The following PALLD variants were observed in gnomAD, a reference collection of about 807,000 sequenced individuals.
PALLD encodes the protein palladin.
PALLD carries 61 observed loss-of-function variants against 123.5 expected under a neutral mutation model. That is an observed-to-expected ratio of 0.49 (90% CI 0.40 to 0.61). The LOEUF (loss-of-function observed/expected upper bound fraction) is 0.61. Among genes scored for constraint, PALLD ranks in the 20% least tolerant of loss-of-function variants. The pLI, the probability that PALLD is intolerant of heterozygous loss-of-function variation, is 0.00. For synonymous variants in PALLD, 465 were observed against 496.4 expected, an observed-to-expected ratio of 0.94 and a Z score of 0.84; for missense variants, 1,273 against 1,377.0, an observed-to-expected ratio of 0.92 and a Z score of 1.20.
chr4:168,748,596 T>G (rs1730619884), intron 10 of PALLD, among the ~76,000 whole-genome samples: 1 of 152,226 alleles, frequency 6.6e-6, no homozygotes, highest in Non-Finnish European at 1.5e-5. Flanking sequence ...ATAGGTTAGC[T>G]GGGTCCTCTG....
chr4:168,875,485 C>T (rs904461368), intron 10 of PALLD, among the ~76,000 whole-genome samples: 3 of 152,078 alleles, frequency 2.0e-5, no homozygotes, highest in Non-Finnish European at 2.9e-5. Context: ...CTTTAAAATT[C>T]GAAATAAATG....
intron 10 of PALLD, among the ~76,000 whole-genome samples, chr4:168,793,782 C>T (rs925220536): frequency 6.6e-6 from 1 of 152,186 alleles, no homozygotes; most frequent in African/African-American, 2.4e-5. Context: ...TCTTTCTCTG[C>T]ACTGGGTGAA....
intron 10 of PALLD, among the ~76,000 whole-genome samples, chr4:168,838,076 C>T (rs1029325288): frequency 9.2e-5 from 14 of 152,148 alleles, no homozygotes; most frequent in Non-Finnish European, 1.9e-4. Flanking sequence ...TATTGTTTCT[C>T]GCAGCAACCC....
intron 8 of PALLD, among the ~76,000 whole-genome samples, chr4:168,704,129 G>C (rs1025678725): frequency 9.2e-5 from 14 of 151,442 alleles, no homozygotes; most frequent in African/African-American, 3.2e-4. Context: ...ACAGGCAATG[G>C]GGAAAGGATT....
rs1750767696 is a variant in PALLD at position 168,869,333 on chromosome 4, A to T, written c.1965-21589A>T. 1.3e-5 allele frequency among the ~76,000 whole-genome samples: 2 copies of T among 152,158 alleles called. No homozygotes were observed. Among genetic ancestry groups the T allele is most frequent in the African/African-American group, 4.8e-5 (2 of 41,452 alleles). On this transcript the variant is annotated intron_variant, in intron 10 of 21. Transcript: ENST00000505667. The surrounding 1 kb of genome is among the most constrained non-coding windows in gnomAD (Gnocchi z 4.5). The stretch of plus-strand genomic sequence containing the variant: ...ATCTGGGCTGGTGTGTGAGATGATA[A>T]TGCCACTGCCAAACTGACAGTGCCA...
intron 15 of PALLD, among the ~76,000 whole-genome samples, chr4:168,906,678 A>G (rs1020794516): frequency 6.6e-6 from 1 of 152,182 alleles, no homozygotes; most frequent in Non-Finnish European, 1.5e-5. Context: ...AGGCTGGAGT[A>G]CAGTGGCATA....
intron 2 of PALLD, among the ~76,000 whole-genome samples, chr4:168,651,077 G>C (rs1777993911): frequency 6.6e-6 from 1 of 152,134 alleles, no homozygotes; most frequent in Non-Finnish European, 1.5e-5. Flanking sequence ...TTCCAAGATT[G>C]ATGCAAGAAG....
chr4:168,868,139 A>G (rs868024448), intron 10 of PALLD, among the ~76,000 whole-genome samples: 24 of 152,294 alleles, frequency 1.6e-4, no homozygotes, highest in Middle Eastern at 3.4e-3. Flanking sequence ...TTCAGTACGA[A>G]AAGTCCCAGG....
intron 2 of PALLD, among the ~76,000 whole-genome samples, chr4:168,562,077 T>A (rs1272969083): frequency 6.7e-6 from 1 of 149,132 alleles, no homozygotes; most frequent in Non-Finnish European, 1.5e-5. Flanking sequence ...GTGGAAAGAT[T>A]GGCTCAAAGG....
rs933663566 is a variant in PALLD, at chr4:168,801,134, A to C, written c.1964+89211A>C. The stretch of plus-strand genomic sequence containing the variant: ...AAAATCAAGGAAATGATAACTCTGC[A>C]AGTCAGGATTGCGGTTACCCTGGGA... On this transcript the variant is annotated intron_variant, in intron 10 of 21. Coordinates refer to ENST00000505667, the MANE Select transcript of PALLD (RefSeq NM_001166108.2). Among the ~76,000 whole-genome samples the C allele has an allele frequency of 3.9e-5, 6 of 152,314 alleles. No homozygotes were observed. The South Asian group carries it at 1.2e-3, about 32-fold the overall frequency.
chr4:168,712,255 T>C (rs575554468), intron 10 of PALLD: 87 of 415,222 alleles, frequency 2.1e-4, no homozygotes, highest in Non-Finnish European at 3.4e-4. Context: ...TTCAGCCCTT[T>C]ATTAAAAGCA....
chr4:168,637,669 C>T (rs537078036), intron 2 of PALLD, among the ~76,000 whole-genome samples: 1 of 152,076 alleles, frequency 6.6e-6, no homozygotes, highest in African/African-American at 2.4e-5. Flanking sequence ...ATTAGCCAGG[C>T]GCAGTGGCTC....
chr4:168,632,766 T>G (rs1775960756), intron 2 of PALLD, among the ~76,000 whole-genome samples: 1 of 152,210 alleles, frequency 6.6e-6, no homozygotes, highest in African/African-American at 2.4e-5. Context: ...ATATTCAATT[T>G]TGGTGAGTTC....
intron 10 of PALLD, among the ~76,000 whole-genome samples, chr4:168,811,643 G>A (rs1270841773): frequency 6.6e-6 from 1 of 152,160 alleles, no homozygotes; most frequent in Non-Finnish European, 1.5e-5. Flanking sequence ...GACTGAGACA[G>A]GAGGATCACT....
At position 168,812,166 on chromosome 4, in the gene PALLD, G is replaced by A. The variant is rs114160402; in HGVS notation, c.1965-78756G>A. 1.7e-3 allele frequency among the ~76,000 whole-genome samples: 255 copies of A among 152,264 alleles called. 3 individuals carry two copies. Among genetic ancestry groups the A allele is most frequent in the African/African-American group, 5.9e-3 (244 of 41,538 alleles). On this transcript the variant is annotated intron_variant, in intron 10 of 21. Coordinates refer to ENST00000505667, the MANE Select transcript of PALLD (RefSeq NM_001166108.2). The stretch of plus-strand genomic sequence containing the variant: ...TTATAAAACTCTCCTTATTCTCTTA[G>A]ATTGGCAAGACAAAGACTAGACTTT...
At position 168,869,761 on chromosome 4, in the gene PALLD, A is replaced by G. The variant is rs1173783724; in HGVS notation, c.1965-21161A>G. Among the ~76,000 whole-genome samples, 1 of 152,178 alleles carries G rather than the reference A, an allele frequency of 6.6e-6. No homozygotes were observed. Among genetic ancestry groups the G allele is most frequent in the Non-Finnish European group, 1.5e-5 (1 of 68,036 alleles). On this transcript the variant is annotated intron_variant, in intron 10 of 21. Coordinates refer to ENST00000505667, the MANE Select transcript of PALLD (RefSeq NM_001166108.2). This position sits in a 1 kb window ranked among gnomAD's most constrained non-coding sequence, Gnocchi z 4.5. ...AAGTTTGAAGTGAAGTAGCACATTT[A>G]TGTTACATGGAAGTGGATAGTGGAA...
At chr4:168,748,936 C>T (rs954076114) in intron 10 of PALLD, among the ~76,000 whole-genome samples, 2 of 152,184 alleles carry the variant, frequency 1.3e-5, no homozygotes, top group African/African-American at 4.8e-5. Flanking sequence ...ATAACATAAT[C>T]ATGGGAGTGA....
At chr4:168,747,565 A>G (rs1730491280) in intron 10 of PALLD, among the ~76,000 whole-genome samples, 2 of 152,236 alleles carry the variant, frequency 1.3e-5, no homozygotes, top group Non-Finnish European at 2.9e-5. Flanking sequence ...TTCAGGCTAT[A>G]TGCTCACCAT....
chr4:168,924,672 A>C (rs1021920831), intron 19 of PALLD, among the ~76,000 whole-genome samples: 1 of 152,190 alleles, frequency 6.6e-6, no homozygotes. Context: ...GAAAAGATGA[A>C]TTCATTTGCT....
Sources: allele counts gnomAD v4.1 joint callset (sites outside exome capture counted in the v4.1 genomes callset), GRCh38; gene constraint gnomAD v4.1.1; non-coding constraint Gnocchi (gnomAD v3.1); transcripts MANE v1.5; gene names NCBI Gene and HGNC (gene_info 2026-07-23, HGNC 2026-07-21).